Variants in LUZP2 observed in about 807,000 individuals in gnomAD.
The protein encoded by LUZP2 is leucine zipper protein 2.
LUZP2 carries 52 observed loss-of-function variants against 51.6 expected under a neutral mutation model. That is an observed-to-expected ratio of 1.01 (90% CI 0.81 to 1.27). The LOEUF is 1.27. Ranked by LOEUF, LUZP2 falls within the 50% of genes most tolerant of loss-of-function variation. The probability of loss-of-function intolerance (pLI) is 0.00; values close to 1 mark genes in which losing one functional copy is unlikely to be tolerated. For missense variants in LUZP2, 436 were observed against 395.4 expected, an observed-to-expected ratio of 1.10 and a Z score of -0.87; for synonymous variants, 154 against 137.3, an observed-to-expected ratio of 1.12 and a Z score of -0.85.
Position 24,640,609 on chromosome 11 carries a change from CTG to C in LUZP2, c.63-88557_63-88556del, listed in dbSNP as rs762281236. 2.5e-4 allele frequency among the ~76,000 whole-genome samples: 38 copies of C among 151,896 alleles called. No individual in the cohort carries two copies. The East Asian group carries it at 6.6e-3, about 26-fold the overall frequency. On this transcript the variant is annotated intron_variant, in intron 1 of 11. Coordinates refer to ENST00000336930, the MANE Select transcript of LUZP2 (RefSeq NM_001009909.4). ...ATAAATGTTTGGCACATAAACTAAA[CTG>C]TGAAAAATATCGTGTTATTTGTATC... is the stretch of plus-strand genomic sequence containing the variant.
chr11:24,896,425 T>C (rs1466188642), intron 5 of LUZP2, among the ~76,000 whole-genome samples: 4 of 152,106 alleles, frequency 2.6e-5, no homozygotes, highest in Non-Finnish European at 5.9e-5. Flanking sequence ...GTGAGGGGCT[T>C]AGCACCTGGG....
At chr11:24,901,209 T>C (rs1331713877) in intron 5 of LUZP2, among the ~76,000 whole-genome samples, 3 of 152,114 alleles carry the variant, frequency 2.0e-5, no homozygotes, top group Non-Finnish European at 4.4e-5. Flanking sequence ...TCTAGTTGTT[T>C]ATGGCAAGAG....
At chr11:24,558,813 G>C (rs1851947701) in intron 1 of LUZP2, among the ~76,000 whole-genome samples, 2 of 152,154 alleles carry the variant, frequency 1.3e-5, no homozygotes, top group Admixed American at 6.6e-5. Context: ...CTTTTGCCAT[G>C]TAAGAGCAGA....
chr11:24,668,732 C>T (rs976629331), intron 1 of LUZP2, among the ~76,000 whole-genome samples: 13 of 152,122 alleles, frequency 8.5e-5, no homozygotes, highest in Non-Finnish European at 1.3e-4. Flanking sequence ...GCACGTCTCT[C>T]GCTTTCTATT....
At chr11:25,052,577 CTG>C (rs1434936192) in intron 10 of LUZP2, among the ~76,000 whole-genome samples, 1 of 152,108 alleles carries the variant, frequency 6.6e-6, no homozygotes, top group East Asian at 1.9e-4. Flanking sequence ...ACTAGAGAGA[CTG>C]TTTTTTGCCT....
chr11:24,941,009 C>G (rs1854732033), intron 7 of LUZP2, among the ~76,000 whole-genome samples: 1 of 152,074 alleles, frequency 6.6e-6, no homozygotes, highest in Non-Finnish European at 1.5e-5. Flanking sequence ...ATTTTTCCCT[C>G]TTTTTCATTT....
chr11:24,636,138 T>C (rs1365340587), intron 1 of LUZP2, among the ~76,000 whole-genome samples: 2 of 152,132 alleles, frequency 1.3e-5, no homozygotes, highest in Non-Finnish European at 2.9e-5. Flanking sequence ...ATTTGTCCAA[T>C]GGAACTACAC....
At chr11:25,024,570 C>A (rs1235318093) in intron 9 of LUZP2, among the ~76,000 whole-genome samples, 2 of 152,002 alleles carry the variant, frequency 1.3e-5, no homozygotes, top group Admixed American at 6.6e-5. Flanking sequence ...GGATAAAATA[C>A]CTAGGAATCC....
chr11:24,663,870 A>T (rs1270671942), intron 1 of LUZP2, among the ~76,000 whole-genome samples: 1 of 152,142 alleles, frequency 6.6e-6, no homozygotes, highest in Non-Finnish European at 1.5e-5. Flanking sequence ...CTTGTGAAGA[A>T]GGACATGTTT....
At chr11:24,822,621 C>T (rs924447025) in intron 5 of LUZP2, among the ~76,000 whole-genome samples, 1 of 152,086 alleles carries the variant, frequency 6.6e-6, no homozygotes, top group Non-Finnish European at 1.5e-5. Flanking sequence ...TCGCTTCCTT[C>T]ATGATGTTTA....
At chr11:24,570,572 G>A (rs1852401052) in intron 1 of LUZP2, among the ~76,000 whole-genome samples, 1 of 151,848 alleles carries the variant, frequency 6.6e-6, no homozygotes, top group Non-Finnish European at 1.5e-5. Context: ...AACACACTGG[G>A]GCATGTCCAG....
chr11:24,748,967 AC>A (rs1345904320), intron 4 of LUZP2, among the ~76,000 whole-genome samples: 5 of 152,226 alleles, frequency 3.3e-5, no homozygotes, highest in Non-Finnish European at 7.3e-5. Flanking sequence ...TTTAAAAATT[AC>A]ATATAATTTG....
At chr11:24,694,918 CA>C (rs546297692) in intron 1 of LUZP2, among the ~76,000 whole-genome samples, 92 of 145,382 alleles carry the variant, frequency 6.3e-4, no homozygotes, top group Middle Eastern at 3.6e-3. Flanking sequence ...TGGGGCCTAT[CA>C]GGGGGGCTGT....
chr11:24,989,702 T>C (rs1328478163), intron 9 of LUZP2, among the ~76,000 whole-genome samples: 1 of 152,086 alleles, frequency 6.6e-6, no homozygotes, highest in Non-Finnish European at 1.5e-5. Context: ...GAAACTGAGC[T>C]TGCCAAATTT....
chr11:24,608,230 A>T (rs1292217426), intron 1 of LUZP2, among the ~76,000 whole-genome samples: 2 of 152,214 alleles, frequency 1.3e-5, no homozygotes, highest in East Asian at 1.9e-4. Flanking sequence ...TCACCTTCCA[A>T]CCCAACTGCA....
At chr11:24,805,728 G>T (rs1457382319) in intron 5 of LUZP2, among the ~76,000 whole-genome samples, 1 of 152,098 alleles carries the variant, frequency 6.6e-6, no homozygotes, top group Non-Finnish European at 1.5e-5. Flanking sequence ...GTTTGTTTTA[G>T]GTTGGATTTC....
intron 9 of LUZP2, among the ~76,000 whole-genome samples, chr11:24,998,078 G>A (rs1856561779): frequency 6.6e-6 from 1 of 152,064 alleles, no homozygotes; most frequent in Admixed American, 6.6e-5. Flanking sequence ...TGTTCTTTTT[G>A]CTTAGGATTG....
chr11:25,052,123 A>C (rs1165107259), intron 10 of LUZP2, among the ~76,000 whole-genome samples: 4 of 152,164 alleles, frequency 2.6e-5, no homozygotes, highest in Admixed American at 6.6e-5. Flanking sequence ...TTTGTATTGG[A>C]GTCTCTACTC....
At chr11:24,592,702 A>AG (rs370418689) in intron 1 of LUZP2, among the ~76,000 whole-genome samples, 1 of 151,500 alleles carries the variant, frequency 6.6e-6, no homozygotes, top group Non-Finnish European at 1.5e-5. Context: ...AAAAAAAAAA[A>AG]GCTTGTCTGA....
Sources: allele counts gnomAD v4.1 joint callset (sites outside exome capture counted in the v4.1 genomes callset), GRCh38; gene constraint gnomAD v4.1.1; transcripts MANE v1.5; gene names NCBI Gene and HGNC (gene_info 2026-07-23, HGNC 2026-07-21).